Variants in ADAMTS19 observed in about 807,000 individuals in gnomAD.
The protein encoded by ADAMTS19 is ADAM metallopeptidase with thrombospondin type 1 motif 19.
A neutral mutation model predicts 153.3 loss-of-function variants in ADAMTS19; 93 were observed. The ratio of observed to expected loss-of-function variants is 0.61; its 90% CI spans 0.51 to 0.72. The LOEUF is 0.72. Ranked by LOEUF, ADAMTS19 falls within the 30% of genes least tolerant of loss-of-function variation. The pLI is 0.00. For missense variants in ADAMTS19, 1,482 were observed against 1,552.1 expected (o/e 0.95, Z 0.76); for synonymous variants, 600 against 556.6 (o/e 1.08, Z -1.10).
chr5:129,526,173 G>T, intron 3 of ADAMTS19, 111 bp from the exon 4 acceptor site: 1 of 886,746 alleles, frequency 1.1e-6, no homozygotes, highest in Admixed American at 4.0e-5. Context: ...TGCCCTTTAA[G>T]ATTTTATGTG....
chr5:129,730,872 T>G (rs1008988275), intron 21 of ADAMTS19, among the ~76,000 whole-genome samples: 1 of 152,160 alleles, frequency 6.6e-6, no homozygotes, highest in Non-Finnish European at 1.5e-5. Context: ...GCATAGGTAG[T>G]TAGGATAATG....
intron 6 of ADAMTS19, among the ~76,000 whole-genome samples, chr5:129,529,294 C>T (rs922201169): frequency 1.3e-5 from 2 of 152,016 alleles, no homozygotes; most frequent in African/African-American, 4.8e-5. Context: ...TCATTGTGAA[C>T]TAGCAATTTA....
At chr5:129,629,584 G>C (rs887950637) in intron 10 of ADAMTS19, among the ~76,000 whole-genome samples, 2 of 151,986 alleles carry the variant, frequency 1.3e-5, no homozygotes, top group African/African-American at 4.8e-5. Context: ...TCTAATTAAT[G>C]ATATAAATTT....
Position 129,599,718 on chromosome 5 carries a change from G to T in ADAMTS19, c.1478+3054G>T, listed in dbSNP as rs148709359. Reference sequence around the variant, plus strand: ...TAGGGAAAGGCCACTTCAGTTTTATGTAGTAGAAATGTTGGTTTATGACCA... The same window carrying T: ...TAGGGAAAGGCCACTTCAGTTTTATTTAGTAGAAATGTTGGTTTATGACCA... On this transcript the variant is annotated intron_variant, in intron 8 of 22. Coordinates refer to ENST00000274487, the MANE Select transcript of ADAMTS19 (RefSeq NM_133638.6). 1.5e-3 allele frequency among the ~76,000 whole-genome samples: 233 copies of T among 152,216 alleles called. 1 individual carries two copies. The highest frequency in any genetic ancestry group is 5.2e-3 in the African/African-American group (216 of 41,544).
intron 19 of ADAMTS19, among the ~76,000 whole-genome samples, chr5:129,697,629 A>G (rs896433658): frequency 4.6e-5 from 7 of 152,234 alleles, no homozygotes; most frequent in Non-Finnish European, 1.0e-4. Context: ...CAGAGTAGTA[A>G]TCAGGTACAG....
intron 7 of ADAMTS19, among the ~76,000 whole-genome samples, chr5:129,578,084 A>ACATAAGCATGTATATGTACGTATACG (rs1561580840): frequency 1.7e-4 from 7 of 41,204 alleles, no homozygotes; most frequent in African/African-American, 2.8e-4. Context: ...ACACACATAT[A>ACATAAGCATGTATATGTACGTATACG]TACATATACA....
chr5:129,554,997 TCTC>T (rs1284944615), intron 7 of ADAMTS19, among the ~76,000 whole-genome samples: 2 of 152,202 alleles, frequency 1.3e-5, no homozygotes, highest in East Asian at 1.9e-4. Flanking sequence ...CATTTTAAAA[TCTC>T]CTCATGTAAT....
chr5:129,687,672 A>G (rs1755153785), intron 18 of ADAMTS19, among the ~76,000 whole-genome samples: 1 of 152,200 alleles, frequency 6.6e-6, no homozygotes, highest in East Asian at 1.9e-4. Flanking sequence ...CCAAGGTTGC[A>G]TGGCCCATTT....
At chr5:129,495,599 C>T (rs904179298) in intron 2 of ADAMTS19, among the ~76,000 whole-genome samples, 3 of 152,026 alleles carry the variant, frequency 2.0e-5, no homozygotes, top group Non-Finnish European at 4.4e-5. Flanking sequence ...GTTGAATTGC[C>T]TCAGAGTAGT....
intron 6 of ADAMTS19, among the ~76,000 whole-genome samples, chr5:129,545,256 T>C (rs1752814978): frequency 6.6e-6 from 1 of 152,178 alleles, no homozygotes. Context: ...AAATATGGAA[T>C]ATGGTATGTA....
intron 21 of ADAMTS19, among the ~76,000 whole-genome samples, chr5:129,708,966 G>C (rs1756310794): frequency 6.6e-6 from 1 of 152,032 alleles, no homozygotes; most frequent in Non-Finnish European, 1.5e-5. Context: ...TAGTTATACA[G>C]CCCAGCCAGT....
At chr5:129,705,270 G>C (rs1461460036) in intron 21 of ADAMTS19, among the ~76,000 whole-genome samples, 2 of 152,100 alleles carry the variant, frequency 1.3e-5, no homozygotes, top group Non-Finnish European at 2.9e-5. Flanking sequence ...AGAAAAGAAA[G>C]TGATGGCTGC....
chr5:129,709,601 G>A (rs888351455), intron 21 of ADAMTS19, among the ~76,000 whole-genome samples: 4 of 152,112 alleles, frequency 2.6e-5, no homozygotes, highest in Non-Finnish European at 4.4e-5. Context: ...GCATAATCAA[G>A]CATTATAACC....
At position 129,509,249 on chromosome 5, in the gene ADAMTS19, G is replaced by A; in HGVS notation, c.913+7G>A. ...TACTGTGGTATCATTTCAGGTAAAT[G>A]CCTTCTCCTGAAAGAGTTTTAAGTA... On this transcript the variant is annotated splice_region_variant and intron_variant, in intron 3 of 22. Transcript: ENST00000274487. 1 of 1,605,014 alleles carries A rather than the reference G, an allele frequency of 6.2e-7. No individual in the cohort carries two copies. Among genetic ancestry groups the A allele is most frequent in the Non-Finnish European group, 8.5e-7 (1 of 1,175,856 alleles).
chr5:129,598,393 A>T (rs562270176), intron 8 of ADAMTS19, among the ~76,000 whole-genome samples: 32 of 152,316 alleles, frequency 2.1e-4, no homozygotes, highest in South Asian at 1.2e-3. Context: ...TTTGATTGGT[A>T]AAGGAAAGCT....
At chr5:129,605,718 AATAG>A (rs1359280240) in intron 8 of ADAMTS19, among the ~76,000 whole-genome samples, 2 of 152,174 alleles carry the variant, frequency 1.3e-5, no homozygotes, top group Admixed American at 6.5e-5. Flanking sequence ...TTATGCTTGT[AATAG>A]ATAGTCAAGA....
chr5:129,712,965 TTAA>T (rs1481839367), intron 21 of ADAMTS19, among the ~76,000 whole-genome samples: 11 of 152,164 alleles, frequency 7.2e-5, no homozygotes, highest in African/African-American at 1.9e-4. Flanking sequence ...TCCAGAGGGT[TTAA>T]TAATATTTCC....
intron 19 of ADAMTS19, among the ~76,000 whole-genome samples, chr5:129,696,094 T>A (rs989691924): frequency 6.6e-6 from 1 of 152,142 alleles, no homozygotes; most frequent in Non-Finnish European, 1.5e-5. Context: ...AGACGAATGG[T>A]TAGTCCTGAT....
At chr5:129,609,804 G>GT (rs1349710123) in intron 8 of ADAMTS19, among the ~76,000 whole-genome samples, 1 of 152,114 alleles carries the variant, frequency 6.6e-6, no homozygotes, top group Non-Finnish European at 1.5e-5. Flanking sequence ...ATAGCTTTCT[G>GT]TTTGCAATTC....
Sources: allele counts gnomAD v4.1 joint callset (sites outside exome capture counted in the v4.1 genomes callset), GRCh38; gene constraint gnomAD v4.1.1; transcripts MANE v1.5; gene names NCBI Gene and HGNC (gene_info 2026-07-23, HGNC 2026-07-21).